Variants in SNTG2 observed in about 807,000 individuals in gnomAD.
The protein encoded by SNTG2 is gamma-2-syntrophin.
Under a neutral mutation model 70.9 loss-of-function variants are expected in SNTG2, and 74 were observed. The ratio of observed to expected loss-of-function variants is 1.04; its 90% CI spans 0.86 to 1.27. The LOEUF (loss-of-function observed/expected upper bound fraction) is 1.27. Among genes scored for constraint, SNTG2 ranks in the 50% most tolerant of loss-of-function variants. SNTG2 has a pLI of 0.00. For synonymous variants in SNTG2, 278 were observed against 273.8 expected, an observed-to-expected ratio of 1.02 and a Z score of -0.15; for missense variants, 717 against 690.7, an observed-to-expected ratio of 1.04 and a Z score of -0.43.
intron 16 of SNTG2, among the ~76,000 whole-genome samples, chr2:1,361,912 C>G: frequency 1.1e-5 from 1 of 91,984 alleles, no homozygotes; most frequent in African/African-American, 3.9e-5. Flanking sequence ...CCATGAAGGT[C>G]ACCAACGCTG....
At chr2:1,136,569 T>G (rs1240698358) in intron 4 of SNTG2, among the ~76,000 whole-genome samples, 3 of 152,226 alleles carry the variant, frequency 2.0e-5, no homozygotes, top group Non-Finnish European at 2.9e-5. Context: ...TGCTAAACAC[T>G]AGAAGTAATA....
At chr2:1,234,190 A>C (rs998920737) in intron 9 of SNTG2, among the ~76,000 whole-genome samples, 2 of 152,214 alleles carry the variant, frequency 1.3e-5, no homozygotes, top group Admixed American at 6.5e-5. Context: ...ATGCCCTGGA[A>C]GAAGCGGCTC....
At chr2:1,195,555 CT>C (rs1249967858) in intron 8 of SNTG2, among the ~76,000 whole-genome samples, 1 of 152,184 alleles carries the variant, frequency 6.6e-6, no homozygotes, top group Non-Finnish European at 1.5e-5. Flanking sequence ...CTGCCACCCA[CT>C]TTTTGATGGG....
intron 1 of SNTG2, among the ~76,000 whole-genome samples, chr2:1,047,078 G>A (rs1661781743): frequency 6.6e-6 from 1 of 152,110 alleles, no homozygotes; most frequent in Admixed American, 6.5e-5. Flanking sequence ...TGGTCTAACT[G>A]TGTTAATTCA....
rs528850809 is a variant in SNTG2, at chr2:1,089,431, T to C, written c.210+5776T>C. On this transcript the variant is annotated intron_variant, in intron 2 of 16. Coordinates refer to ENST00000308624, the MANE Select transcript of SNTG2 (RefSeq NM_018968.4). Reference sequence around the variant, plus strand: ...GCAGGAGGATCACAAGGTTAGGAGTTTGAGACCAGCCTGACCAACATGGTG... The same window carrying C: ...GCAGGAGGATCACAAGGTTAGGAGTCTGAGACCAGCCTGACCAACATGGTG... 5.9e-5 allele frequency among the ~76,000 whole-genome samples: 9 copies of C among 152,318 alleles called. No homozygotes were observed. In the South Asian group the frequency reaches 1.5e-3, roughly 25 times the overall value.
chr2:1,160,281 G>A (rs1670183601), intron 6 of SNTG2: 1 of 152,056 alleles, frequency 6.6e-6, no homozygotes, highest in Admixed American at 6.6e-5. Flanking sequence ...AGAATTTCCA[G>A]AAGAACACAC....
At chr2:1,312,395 G>A (rs963180345) in intron 15 of SNTG2, among the ~76,000 whole-genome samples, 3 of 152,136 alleles carry the variant, frequency 2.0e-5, no homozygotes, top group African/African-American at 7.2e-5. Flanking sequence ...CTTCCCTCCT[G>A]TTCCATGTAA....
intron 4 of SNTG2, among the ~76,000 whole-genome samples, chr2:1,120,086 A>G (rs1211737915): frequency 1.3e-5 from 2 of 152,152 alleles, no homozygotes; most frequent in Admixed American, 1.3e-4. Flanking sequence ...ATCTACCAAT[A>G]ATCACCTTGA....
chr2:1,228,032 G>A (rs1052834989), intron 9 of SNTG2, among the ~76,000 whole-genome samples: 1 of 152,160 alleles, frequency 6.6e-6, no homozygotes. Context: ...AGGCCTTTCT[G>A]CGACTCAAGG....
chr2:1,262,848 G>A (rs1313137074), intron 13 of SNTG2: 5 of 152,120 alleles, frequency 3.3e-5, no homozygotes, highest in South Asian at 2.1e-4. Context: ...GAGGAAACCC[G>A]ATGGCCTAGC....
At chr2:1,362,705 C>T (rs1301437076) in intron 16 of SNTG2, among the ~76,000 whole-genome samples, 5 of 151,872 alleles carry the variant, frequency 3.3e-5, no homozygotes, top group Admixed American at 1.3e-4. Context: ...CGACGCTGAG[C>T]ATTTCAGTAG....
chr2:983,889 C>T (rs1301643836), intron 1 of SNTG2, among the ~76,000 whole-genome samples: 2 of 152,206 alleles, frequency 1.3e-5, no homozygotes, highest in Non-Finnish European at 1.5e-5. Flanking sequence ...GTGCAGAACT[C>T]ACCTGGCCAT....
At chr2:1,129,929 C>G (rs1667918297) in intron 4 of SNTG2, among the ~76,000 whole-genome samples, 1 of 152,136 alleles carries the variant, frequency 6.6e-6, no homozygotes, top group Admixed American at 6.5e-5. Context: ...AGGTGGTGTT[C>G]ACAAGTTGTA....
intron 1 of SNTG2, among the ~76,000 whole-genome samples, chr2:1,002,375 G>C (rs1488820772): frequency 6.6e-6 from 1 of 152,044 alleles, no homozygotes; most frequent in Non-Finnish European, 1.5e-5. Context: ...CTAATATCCA[G>C]AATCTACAAG....
At chr2:1,156,977 T>C (rs1481419272) in intron 6 of SNTG2, among the ~76,000 whole-genome samples, 1 of 152,068 alleles carries the variant, frequency 6.6e-6, no homozygotes, top group Non-Finnish European at 1.5e-5. Context: ...TCCCTGGTTA[T>C]CCATAGAAAT....
At chr2:1,078,256 C>T (rs1198614768) in intron 1 of SNTG2, among the ~76,000 whole-genome samples, 1 of 152,226 alleles carries the variant, frequency 6.6e-6, no homozygotes, top group African/African-American at 2.4e-5. Context: ...CATCATGGAA[C>T]TCATGCTCTG....
chr2:1,049,718 C>A (rs1661946436), intron 1 of SNTG2, among the ~76,000 whole-genome samples: 5 of 152,220 alleles, frequency 3.3e-5, no homozygotes, highest in Admixed American at 3.3e-4. Flanking sequence ...GAGACTGCCA[C>A]ACTGTCTTCC....
intron 8 of SNTG2, among the ~76,000 whole-genome samples, chr2:1,191,324 G>A (rs1353171054): frequency 6.6e-6 from 1 of 152,150 alleles, no homozygotes; most frequent in Non-Finnish European, 1.5e-5. Flanking sequence ...TTGCTCTCAT[G>A]TAGACTTTAC....
chr2:1,221,147 G>A (rs1173852891), intron 9 of SNTG2, among the ~76,000 whole-genome samples: 1 of 152,146 alleles, frequency 6.6e-6, no homozygotes, highest in Non-Finnish European at 1.5e-5. Context: ...GCTCCGTTAC[G>A]CTTTCTCTGG....
Sources: allele counts gnomAD v4.1 joint callset (sites outside exome capture counted in the v4.1 genomes callset), GRCh38; gene constraint gnomAD v4.1.1; transcripts MANE v1.5; gene names NCBI Gene and HGNC (gene_info 2026-07-23, HGNC 2026-07-21).